The following SUN1 variants were observed in gnomAD, a reference collection of about 807,000 sequenced individuals.
SUN1 encodes Sad1 and UNC84 domain containing 1, also known as SUN domain-containing protein 1.
In SUN1, 61 loss-of-function variants were observed where a neutral mutation model predicts 103.2. The ratio of observed to expected loss-of-function variants is 0.59; its 90% confidence interval spans 0.48 to 0.73. SUN1 has a LOEUF of 0.73. Among genes scored for constraint, SUN1 ranks in the 30% least tolerant of loss-of-function variants. SUN1 has a pLI of 0.00. For missense variants in SUN1, 1,052 were observed against 1,034.6 expected (o/e 1.02, Z -0.23); for synonymous variants, 490 against 425.7 (o/e 1.15, Z -1.86).
At chr7:842,168 T>G in intron 3 of SUN1, 38 bp downstream of exon 3, 6 of 1,596,700 alleles carry the variant, frequency 3.8e-6, no homozygotes, top group Non-Finnish European at 5.1e-6. Context: ...CCGCCTACAG[T>G]TGGGGTGTTT....
At chr7:849,592 G>C (rs767987156) in intron 5 of SUN1, 79 of 1,452,738 alleles carry the variant, frequency 5.4e-5, no homozygotes, top group Non-Finnish European at 7.0e-5. Flanking sequence ...AGTGTAAATG[G>C]GGAAGCGCTG....
intron 14 of SUN1, 46 bp from the exon 15 acceptor site, chr7:861,334 C>G (rs973153207): frequency 1.2e-6 from 2 of 1,603,040 alleles, no homozygotes; most frequent in Non-Finnish European, 8.5e-7. Flanking sequence ...CACGTCTCTC[C>G]TCTCCTGTTC....
At chr7:852,116 GA>G in intron 7 of SUN1, 73 bp downstream of exon 7, 1 of 1,306,822 alleles carries the variant, frequency 7.7e-7, no homozygotes, top group Non-Finnish European at 1.1e-6. Flanking sequence ...GCTCTCATTT[GA>G]TTTGTTATTT....
chr7:833,717 C>T (rs561815636), intron 1 of SUN1, among the ~76,000 whole-genome samples: 6 of 152,292 alleles, frequency 3.9e-5, no homozygotes, highest in African/African-American at 7.2e-5. Flanking sequence ...AGCTCACATT[C>T]GATGATCGAG....
intron 16 of SUN1, chr7:869,056 G>A (rs1585304468): frequency 6.1e-5 from 24 of 390,724 alleles, no homozygotes; most frequent in South Asian, 4.8e-4. Flanking sequence ...ATCTTGCCAC[G>A]ACCAAGGACC....
At chr7:856,314 A>G (rs1827235917) in intron 11 of SUN1, 44 bp from the exon 12 acceptor site, 31 of 1,580,284 alleles carry the variant, frequency 2.0e-5, no homozygotes, top group Non-Finnish European at 2.5e-5. Flanking sequence ...AAAAGTTAAT[A>G]TATAACTTAT....
At chr7:864,554 C>CAAAAAAA in intron 15 of SUN1, among the ~76,000 whole-genome samples, 1 of 95,214 alleles carries the variant, frequency 1.1e-5, no homozygotes, top group Non-Finnish European at 2.2e-5. Context: ...AACTTTATCT[C>CAAAAAAA]AAAAAAAAAA....
At chr7:826,594 C>T (rs560226357) in intron 1 of SUN1, among the ~76,000 whole-genome samples, 1 of 152,176 alleles carries the variant, frequency 6.6e-6, no homozygotes, top group Non-Finnish European at 1.5e-5. Context: ...CAGTGATAGA[C>T]TGACAGAGTT....
intron 15 of SUN1, among the ~76,000 whole-genome samples, chr7:864,508 C>T (rs1364729031): frequency 1.4e-4 from 21 of 146,012 alleles, no homozygotes; most frequent in East Asian, 4.1e-4. Flanking sequence ...GAGCCGAGAT[C>T]GTACCATTGC....
chr7:868,227 C>T (rs1838656693), intron 16 of SUN1, among the ~76,000 whole-genome samples: 2 of 152,244 alleles, frequency 1.3e-5, no homozygotes, highest in South Asian at 4.1e-4. Flanking sequence ...CGCACAGCAA[C>T]GTGGCTGCCT....
At chr7:851,314 C>T in intron 5 of SUN1, 70 bp from the exon 6 acceptor site, 1 of 1,385,350 alleles carries the variant, frequency 7.2e-7, no homozygotes, top group South Asian at 1.3e-5. Flanking sequence ...TTGGGCGTCC[C>T]CACCGTGCTG....
upstream of SUN1, among the ~76,000 whole-genome samples, chr7:831,323 G>A (rs867852758): frequency 2.7e-4 from 41 of 149,930 alleles, no homozygotes; most frequent in Admixed American, 1.5e-3. Context: ...CCAGGCTGGC[G>A]TACAGTGGTA....
chr7:832,168 A>C (rs1282022769), upstream of SUN1: 9 of 877,816 alleles, frequency 1.0e-5, no homozygotes, highest in Non-Finnish European at 9.9e-6. Flanking sequence ...TGACACAGTG[A>C]GGATTTAAAA....
intron 17 of SUN1, among the ~76,000 whole-genome samples, 165 bp from the exon 18 acceptor site, chr7:872,301 CCCTT>C (rs1357944547): frequency 6.6e-6 from 1 of 152,090 alleles, no homozygotes; most frequent in African/African-American, 2.4e-5. Context: ...CAAAACACAC[CCCTT>C]CCTTCCAGGG....
rs1294019181 is a variant in SUN1, at chr7:853,483, C to T, written c.1128C>T (p.Cys376=). ...EQQVASLSGQ[C]HHHGENLREL... is the part of the protein sequence containing the mutation. ...AGGTGGCCTCTCTGTCTGGACAGTG[C>T]CACCACCATGGTGAGAATCTCCGAG... The change falls in exon 10 of 19, where the codon TGC becomes TGT. Residue 376 remains cysteine (C), a synonymous_variant. Coordinates refer to ENST00000401592, the MANE Select transcript of SUN1 (RefSeq NM_001130965.3). The T allele has an allele frequency of 7.4e-6, 12 of 1,613,946 alleles. No individual in the cohort carries two copies. Among genetic ancestry groups the T allele is most frequent in the Middle Eastern group, 3.3e-4 (2 of 6,062 alleles).
chr7:845,319 G>A (rs577730094), intron 5 of SUN1, among the ~76,000 whole-genome samples: 5 of 152,112 alleles, frequency 3.3e-5, no homozygotes, highest in Admixed American at 1.3e-4. Context: ...GCGCCTCCCC[G>A]CGGATGTCGG....
upstream of SUN1, chr7:815,767 G>T (rs1465556280): frequency 1.0e-5 from 2 of 191,968 alleles, no homozygotes; most frequent in East Asian, 3.8e-4. Flanking sequence ...GAGACCTCGC[G>T]TGCAGACCCC....
intron 1 of SUN1, among the ~76,000 whole-genome samples, chr7:834,259 G>A (rs1800772861): frequency 1.3e-5 from 2 of 152,178 alleles, no homozygotes; most frequent in African/African-American, 2.4e-5. Flanking sequence ...TTGGACTCTC[G>A]GGCACTGGGA....
intron 12 of SUN1, among the ~76,000 whole-genome samples, chr7:857,303 A>G (rs1828459818): frequency 6.6e-6 from 1 of 152,104 alleles, no homozygotes; most frequent in Non-Finnish European, 1.5e-5. Context: ...CTCTCCTTCC[A>G]AAGCTTTTAT....
Sources: gnomAD v4.1 joint callset for allele counts (sites outside exome capture counted in the v4.1 genomes callset) on GRCh38, gnomAD v4.1.1 for gene constraint, MANE v1.5 for transcripts, NCBI Gene and HGNC (gene_info 2026-07-23, HGNC 2026-07-21) for gene names.